The following RAI14 variants were observed in gnomAD, a reference collection of about 807,000 sequenced individuals.
The protein encoded by RAI14 is retinoic acid induced 14.
A neutral mutation model predicts 115.4 loss-of-function variants in RAI14; 45 were observed. That is an observed-to-expected ratio of 0.39 (90% CI 0.31 to 0.50). The LOEUF is 0.50. RAI14 is among the 20% of genes least tolerant of loss of function. RAI14 has a pLI of 0.85. For missense variants in RAI14, 939 were observed against 1,131.2 expected (o/e 0.83, Z 2.44); for synonymous variants, 371 against 415.4 (o/e 0.89, Z 1.30).
At chr5:34,713,380 T>A (rs956039744) in intron 2 of RAI14, among the ~76,000 whole-genome samples, 11 of 152,102 alleles carry the variant, frequency 7.2e-5, no homozygotes, top group Non-Finnish European at 1.6e-4. Context: ...TCAAGAGAGA[T>A]GGGATTGAGG....
At chr5:34,790,078 T>C (rs1195956472) in intron 3 of RAI14, among the ~76,000 whole-genome samples, 2 of 152,234 alleles carry the variant, frequency 1.3e-5, no homozygotes, top group African/African-American at 4.8e-5. Flanking sequence ...ACATTAAGAC[T>C]TGATATCCAA....
Position 34,774,703 on chromosome 5 carries a change from A to G in RAI14, c.167+17105A>G, listed in dbSNP as rs115470468. On this transcript the variant is annotated intron_variant, in intron 3 of 17. Transcript: ENST00000265109. ...AATGTCCATACTATCCAAGCAGTCT[A>G]CAGATTCAATGCAATCCCTATCAAA... 3.7e-3 allele frequency among the ~76,000 whole-genome samples: 570 copies of G among 152,154 alleles called. 5 individuals carry two copies. The highest frequency in any genetic ancestry group is 0.013 in the African/African-American group (539 of 41,522).
At position 34,829,961 on chromosome 5, in the gene RAI14, C is replaced by G. The variant is rs1757856079; in HGVS notation, c.2865+164C>G. On this transcript the variant is annotated intron_variant, in intron 17 of 17. Coordinates refer to ENST00000265109, the MANE Select transcript of RAI14 (RefSeq NM_015577.3). ...TTTTGCATTGCTTTGGATTCTGTGTCAGGAGCCTTGTGCCCTGTTTACCAG... is the reference window on the plus strand; with the variant it reads ...TTTTGCATTGCTTTGGATTCTGTGTGAGGAGCCTTGTGCCCTGTTTACCAG... 14 of 592,102 alleles carry G rather than the reference C, an allele frequency of 2.4e-5. 1 individual carries two copies. In the South Asian group the frequency reaches 3.4e-4, roughly 15 times the overall value. The allele number at this position is 592,102 out of a possible 1,614,324, so 36.7% of individuals were successfully genotyped here.
At chr5:34,775,487 C>T (rs1224434913) in intron 3 of RAI14, among the ~76,000 whole-genome samples, 3 of 152,154 alleles carry the variant, frequency 2.0e-5, no homozygotes, top group Non-Finnish European at 4.4e-5. Flanking sequence ...AATCCCAGCA[C>T]TTTGGGAGGT....
chr5:34,693,083 A>G (rs964642303), intron 2 of RAI14, among the ~76,000 whole-genome samples: 2 of 152,104 alleles, frequency 1.3e-5, no homozygotes, highest in Non-Finnish European at 2.9e-5. Context: ...CCTCCTTTAC[A>G]TAAAGACGCC....
chr5:34,826,389 G>C lies in RAI14; in HGVS notation c.2709G>C (p.Gln903His). 1 of 1,614,052 alleles carries C rather than the reference G, an allele frequency of 6.2e-7. No homozygotes were observed. The highest frequency in any genetic ancestry group is 8.5e-7 in the Non-Finnish European group (1 of 1,179,978). The change falls in exon 16 of 18, where the codon CAG becomes CAC. Residue 903 changes from glutamine to histidine, a missense_variant. Coordinates refer to ENST00000265109, the MANE Select transcript of RAI14 (RefSeq NM_015577.3). ...AGGAGGCCTTGAACAGCCTCTCCCA[G>C]CTCTCCTACTCAACAAGCTCATCCA... ...KLKEALNSLS[Q>H]LSYSTSSSKR...
chr5:34,683,688 C>A (rs1744556419), intron 1 of RAI14, among the ~76,000 whole-genome samples: 1 of 151,702 alleles, frequency 6.6e-6, no homozygotes, highest in African/African-American at 2.4e-5. Flanking sequence ...ATTAGTACTT[C>A]CACAAGAAGG....
Position 34,715,430 on chromosome 5 carries a change from C to G in RAI14, c.36+28475C>G, listed in dbSNP as rs182294797. Among the ~76,000 whole-genome samples, 441 of 152,262 alleles carry G rather than the reference C, an allele frequency of 2.9e-3. 5 individuals carry two copies. Among genetic ancestry groups the G allele is most frequent in the African/African-American group, 1.0e-2 (415 of 41,558 alleles). ...CAGTATTTCAGGGTCTTATCAGTCC[C>G]TAGCTTCTGCAGGTAATTTCAACAG... On this transcript the variant is annotated intron_variant, in intron 2 of 17. Coordinates refer to ENST00000265109, the MANE Select transcript of RAI14 (RefSeq NM_015577.3).
intron 1 of RAI14, among the ~76,000 whole-genome samples, chr5:34,665,178 C>CACATATATGTAT: frequency 1.4e-4 from 1 of 7,094 alleles, no homozygotes; most frequent in African/African-American, 6.1e-4. Flanking sequence ...TATATACACA[C>CACATATATGTAT]ATATATATAT....
Position 34,818,801 on chromosome 5 carries a change from A to G in RAI14, c.944A>G (p.Glu315Gly). 1 of 1,608,992 alleles carries G rather than the reference A, an allele frequency of 6.2e-7. No homozygotes were observed. The highest frequency in any genetic ancestry group is 1.1e-5 in the South Asian group (1 of 90,120). Reference sequence around the variant, plus strand: ...GTCATTTTTGTGTTTCAATAGGCTGAGATCAGTTCTATACGAGAAAACAAA... The same window carrying G: ...GTCATTTTTGTGTTTCAATAGGCTGGGATCAGTTCTATACGAGAAAACAAA... The part of the protein sequence containing the change: ...VFFAEPPFKA[E>G]ISSIRENKDR... The change falls in exon 13 of 18, where the codon GAG (glutamate) becomes GGG (glycine). Residue 315 changes from glutamate (E) to glycine (G), a missense_variant. Transcript: ENST00000265109.
chr5:34,740,553 G>A (rs530541753), intron 2 of RAI14, among the ~76,000 whole-genome samples: 1 of 152,144 alleles, frequency 6.6e-6, no homozygotes, highest in Non-Finnish European at 1.5e-5. Context: ...CCTTGGTTTG[G>A]CTCCTCTGTT....
At chr5:34,754,523 C>CGGCTAATTTTTTGTATTTTTAGTAG (rs1561315251) in intron 2 of RAI14, among the ~76,000 whole-genome samples, 193 of 148,560 alleles carry the variant, frequency 1.3e-3, no homozygotes, top group Admixed American at 2.0e-3. Flanking sequence ...CTACCACGCC[C>CGGCTAATTTTTTGTATTTTTAGTAG]AGGCTCTTAC....
At chr5:34,809,560 A>T (rs965082382) in intron 7 of RAI14, among the ~76,000 whole-genome samples, 1 of 151,778 alleles carries the variant, frequency 6.6e-6, no homozygotes, top group Non-Finnish European at 1.5e-5. Flanking sequence ...CTTCAGCCTC[A>T]AAGAGTGTGT....
Position 34,828,226 on chromosome 5 carries a change from G to T in RAI14, c.2800-1506G>T, listed in dbSNP as rs1757641876. 2.0e-5 allele frequency among the ~76,000 whole-genome samples: 3 copies of T among 152,264 alleles called. No individual in the cohort carries two copies. In the South Asian group the frequency reaches 6.2e-4, roughly 32 times the overall value. On this transcript the variant is annotated intron_variant, in intron 16 of 17. Transcript: ENST00000265109. ...AGATGGGAAGTGGTGGTTAGGGTGTGGGATGCTTTCAGTTGAGATTTCAGA... is the reference window on the plus strand; with the variant it reads ...AGATGGGAAGTGGTGGTTAGGGTGTTGGATGCTTTCAGTTGAGATTTCAGA...
At chr5:34,799,685 A>ATT (rs57115550) in intron 4 of RAI14, among the ~76,000 whole-genome samples, 28,821 of 103,306 alleles carry the variant, frequency 0.28, 4,344 homozygotes, top group Non-Finnish European at 0.34. Context: ...ATCTGTTAGC[A>ATT]TTTTTTTTTT....
At chr5:34,812,229 C>T in intron 10 of RAI14, 21 bp downstream of exon 10, 1 of 1,565,352 alleles carries the variant, frequency 6.4e-7, no homozygotes, top group Non-Finnish European at 8.7e-7. Context: ...TTGGGGGAGG[C>T]TTCTATGTTT....
intron 1 of RAI14, among the ~76,000 whole-genome samples, chr5:34,662,728 T>TTTTC (rs989907012): frequency 7.3e-6 from 1 of 137,230 alleles, no homozygotes; most frequent in Admixed American, 7.3e-5. Flanking sequence ...CAGATTTTTT[T>TTTTC]TTTTTTTTTT....
chr5:34,803,542 G>C (rs544530808), intron 4 of RAI14, among the ~76,000 whole-genome samples, 170 bp from the exon 5 acceptor site: 1 of 149,582 alleles, frequency 6.7e-6, no homozygotes, highest in South Asian at 2.2e-4. Context: ...GGGTGACAGA[G>C]TGAGACCCTG....
intron 2 of RAI14, among the ~76,000 whole-genome samples, chr5:34,700,435 T>C (rs60506280): frequency 3.3e-4 from 51 of 152,324 alleles, no homozygotes; most frequent in African/African-American, 1.2e-3. Flanking sequence ...AGGTGGCAAG[T>C]GGCAGTCTTG....
Sources: gnomAD v4.1 joint callset for allele counts (sites outside exome capture counted in the v4.1 genomes callset) on GRCh38, gnomAD v4.1.1 for gene constraint, MANE v1.5 for transcripts, NCBI Gene and HGNC (gene_info 2026-07-23, HGNC 2026-07-21) for gene names.